The following B4GALT6 variants were observed in gnomAD, a reference collection of about 807,000 sequenced individuals.
B4GALT6 encodes beta-1,4-galactosyltransferase 6.
Under a neutral mutation model 46.3 loss-of-function variants are expected in B4GALT6, and 14 were observed. That is an observed-to-expected ratio of 0.30 (90% confidence interval 0.20 to 0.47). The LOEUF is 0.47. Among genes scored for constraint, B4GALT6 ranks in the 20% least tolerant of loss-of-function variants. B4GALT6 has a pLI of 0.99. For missense variants in B4GALT6, 386 were observed against 480.1 expected, an observed-to-expected ratio of 0.80 and a Z score of 1.83; for synonymous variants, 168 against 162.0, an observed-to-expected ratio of 1.04 and a Z score of -0.28.
Position 31,678,044 on chromosome 18 carries a change from A to G in B4GALT6, c.115+6268T>C, listed in dbSNP as rs148713932. ...AGGCTTGAAAGGGAAAAGGAGTCAC[A>G]AAAGACAGTGTGGGTGGCGGACAGG... On this transcript the variant is annotated intron_variant, in intron 1 of 8. Transcript: ENST00000306851. Among the ~76,000 whole-genome samples the G allele has an allele frequency of 9.8e-5, 15 of 152,340 alleles. No homozygotes were observed. The East Asian group carries it at 2.5e-3, about 25-fold the overall frequency.
At chr18:31,723,443 G>A in the B4GALT6 span, among the ~76,000 whole-genome samples, 2,309 of 152,256 alleles carry the variant, frequency 0.015, 54 homozygotes, top group East Asian at 0.095. Flanking sequence ...TTCTCCCTGT[G>A]TGCACACAGG....
At chr18:31,707,589 A>T in the B4GALT6 span, among the ~76,000 whole-genome samples, 1 of 152,204 alleles carries the variant, frequency 6.6e-6, no homozygotes, top group South Asian at 2.1e-4. Flanking sequence ...CAAGGAGAAG[A>T]TGAATAAAAC....
the B4GALT6 span, among the ~76,000 whole-genome samples, chr18:31,721,499 G>A: frequency 1.4e-4 from 21 of 152,192 alleles, no homozygotes; most frequent in African/African-American, 5.1e-4. Context: ...CTAGGCAAGG[G>A]TGTGCAGTTG....
chr18:31,714,083 T>C, the B4GALT6 span, among the ~76,000 whole-genome samples: 1 of 152,222 alleles, frequency 6.6e-6, no homozygotes, highest in Non-Finnish European at 1.5e-5. Flanking sequence ...ATAAAGCACA[T>C]GTCCAATATG....
At chr18:31,675,392 T>C (rs1791234) in intron 1 of B4GALT6, among the ~76,000 whole-genome samples, 124 of 152,344 alleles carry the variant, frequency 8.1e-4, no homozygotes, top group African/African-American at 2.8e-3. Flanking sequence ...ACCAAGATCC[T>C]GCAAAGGCAC....
chr18:31,673,237 G>A (rs917480417), intron 1 of B4GALT6, among the ~76,000 whole-genome samples: 10 of 152,046 alleles, frequency 6.6e-5, no homozygotes, highest in South Asian at 2.1e-4. Context: ...GGGTAGTAAC[G>A]GAAGTTAGGA....
At chr18:31,721,746 A>G in the B4GALT6 span, among the ~76,000 whole-genome samples, 1 of 152,202 alleles carries the variant, frequency 6.6e-6, no homozygotes, top group Non-Finnish European at 1.5e-5. Context: ...TGCCCTACAA[A>G]TTTCAGACTC....
chr18:31,674,498 A>G (rs2074394044), intron 1 of B4GALT6, among the ~76,000 whole-genome samples: 1 of 152,216 alleles, frequency 6.6e-6, no homozygotes, highest in Non-Finnish European at 1.5e-5. Context: ...AACACTGGAA[A>G]TAATATGGAC....
intron 5 of B4GALT6, among the ~76,000 whole-genome samples, chr18:31,637,504 A>G (rs2073874722): frequency 8.9e-6 from 1 of 111,930 alleles, no homozygotes; most frequent in Non-Finnish European, 1.9e-5. Flanking sequence ...ACCAAGAAAG[A>G]TGACTTTGAA....
At chr18:31,700,630 G>A in the B4GALT6 span, among the ~76,000 whole-genome samples, 1 of 151,972 alleles carries the variant, frequency 6.6e-6, no homozygotes, top group Non-Finnish European at 1.5e-5. Context: ...CTAATTTTTT[G>A]TATTTTTAAT....
intron 1 of B4GALT6, among the ~76,000 whole-genome samples, chr18:31,681,071 A>G (rs908167454): frequency 1.1e-4 from 16 of 151,484 alleles, no homozygotes; most frequent in African/African-American, 3.6e-4. Flanking sequence ...AGCCCATTGT[A>G]CTATGACGGA....
intron 7 of B4GALT6, 38 bp from the exon 8 acceptor site, chr18:31,626,422 T>C: frequency 8.4e-7 from 1 of 1,197,228 alleles, no homozygotes; most frequent in Non-Finnish European, 1.2e-6. Context: ...TATAGAGAAA[T>C]AAAATATGAA....
At chr18:31,654,689 T>G (rs1002284042) in intron 3 of B4GALT6, among the ~76,000 whole-genome samples, 12 of 152,232 alleles carry the variant, frequency 7.9e-5, no homozygotes, top group African/African-American at 2.9e-4. Flanking sequence ...AAGCCTTAAC[T>G]TCACTTTTAG....
chr18:31,703,577 GA>G, the B4GALT6 span, among the ~76,000 whole-genome samples: 1 of 152,180 alleles, frequency 6.6e-6, no homozygotes, highest in African/African-American at 2.4e-5. Flanking sequence ...AATTGGGACA[GA>G]ACCTGACTTG....
At chr18:31,641,724 C>A (rs1255777343) in intron 4 of B4GALT6, among the ~76,000 whole-genome samples, 1 of 152,208 alleles carries the variant, frequency 6.6e-6, no homozygotes, top group Non-Finnish European at 1.5e-5. Context: ...TCTCTCCTCA[C>A]CACCTCTTGA....
chr18:31,709,434 C>CATACATATATAT, the B4GALT6 span, among the ~76,000 whole-genome samples: 2 of 130,962 alleles, frequency 1.5e-5, no homozygotes, highest in African/African-American at 3.0e-5. Context: ...GCAATTCATA[C>CATACATATATAT]ATATATATAT....
chr18:31,669,218 C>T (rs2074320514), intron 1 of B4GALT6, among the ~76,000 whole-genome samples: 1 of 152,140 alleles, frequency 6.6e-6, no homozygotes, highest in African/African-American at 2.4e-5. Flanking sequence ...TTAGGTAAAG[C>T]TGTGCATAAC....
intron 1 of B4GALT6, among the ~76,000 whole-genome samples, chr18:31,676,897 T>C (rs529440673): frequency 6.6e-6 from 1 of 152,328 alleles, no homozygotes; most frequent in African/African-American, 2.4e-5. Context: ...AGCACATTCA[T>C]ATTTGAAAAC....
At chr18:31,642,179 C>CA (rs2073938086) in intron 4 of B4GALT6, among the ~76,000 whole-genome samples, 3 of 152,154 alleles carry the variant, frequency 2.0e-5, no homozygotes, top group Admixed American at 6.5e-5. Context: ...CAAGAATCTG[C>CA]ATTTTTTTTC....
Sources: gnomAD v4.1 joint callset for allele counts (sites outside exome capture counted in the v4.1 genomes callset) on GRCh38, gnomAD v4.1.1 for gene constraint, MANE v1.5 for transcripts, NCBI Gene and HGNC (gene_info 2026-07-23, HGNC 2026-07-21) for gene names.